Variants in TENM4 observed in about 807,000 individuals in gnomAD.
TENM4 encodes teneurin-4.
In TENM4, 82 loss-of-function variants were observed where a neutral mutation model predicts 243.3. The observed-to-expected ratio is 0.34, with a 90% CI of 0.28 to 0.40. The LOEUF is 0.40. TENM4 is among the 10% of genes least tolerant of loss of function. TENM4 has a pLI of 1.00. For missense variants in TENM4, 3,138 were observed against 3,673.3 expected (o/e 0.85, Z 3.77); for synonymous variants, 1,412 against 1,456.3 (o/e 0.97, Z 0.69).
intron 6 of TENM4, among the ~76,000 whole-genome samples, chr11:78,999,824 G>A (rs1591195266): frequency 6.6e-6 from 1 of 150,722 alleles, no homozygotes; most frequent in South Asian, 2.1e-4. Flanking sequence ...ACCAGAGAAA[G>A]AGAAGAGAGA....
chr11:79,095,300 G>A (rs1019651125), intron 4 of TENM4, among the ~76,000 whole-genome samples: 2 of 152,158 alleles, frequency 1.3e-5, no homozygotes, highest in East Asian at 3.9e-4. Flanking sequence ...AAGCAGCAGG[G>A]CAGGATTTGA....
chr11:78,885,381 T>C (rs778650966), intron 9 of TENM4, among the ~76,000 whole-genome samples: 13 of 152,170 alleles, frequency 8.5e-5, no homozygotes, highest in Admixed American at 3.3e-4. Context: ...ACATATTTTC[T>C]CTCTGAAGAG....
At position 78,669,774 on chromosome 11, in the gene TENM4, G is replaced by C. The variant is rs532627479; in HGVS notation, c.6571C>G (p.Arg2191Gly). The change falls in exon 32 of 34, where the codon CGC (arginine) becomes GGC (glycine). Residue 2191 changes from arginine (R) to glycine (G), a missense_variant. Arg to Gly is a moderately radical substitution (Grantham distance 125, BLOSUM62 -2). Around this residue, in one of 2 missense-constraint regions of TENM4, gnomAD observed 2,467 missense variants for 3,059.1 expected, o/e 0.81. Transcript: ENST00000278550. The surrounding 1 kb of genome is among the most constrained non-coding windows in gnomAD (Gnocchi z 6.4). ...LKVGPYANTT[R>G]YSYEYDADGQ... is the part of the protein sequence containing the mutation. ...TCAGCATCATACTCATAGGAGTAGC[G>C]AGTGGTATTGGCGTAGGGTCCTACC... 1.6e-5 allele frequency: 26 copies of C among 1,613,972 alleles called. No homozygotes were observed. Among genetic ancestry groups the C allele is most frequent in the South Asian group, 8.8e-5 (8 of 91,078 alleles).
chr11:78,970,293 A>G (rs1030831788), intron 6 of TENM4, among the ~76,000 whole-genome samples: 1 of 152,170 alleles, frequency 6.6e-6, no homozygotes, highest in African/African-American at 2.4e-5. Context: ...CAGCTCAGCA[A>G]AGAGAGGCAG....
At chr11:79,204,153 G>A (rs532029188) in intron 3 of TENM4, among the ~76,000 whole-genome samples, 1 of 152,246 alleles carries the variant, frequency 6.6e-6, no homozygotes, top group East Asian at 1.9e-4. Flanking sequence ...TAATGGGTAT[G>A]GGTTCTTTTG....
At chr11:79,371,103 T>G (rs1003054396) in intron 1 of TENM4, among the ~76,000 whole-genome samples, 1 of 152,170 alleles carries the variant, frequency 6.6e-6, no homozygotes, top group African/African-American at 2.4e-5. Context: ...AACAATAAGC[T>G]ATGTGTGCAC....
chr11:78,824,283 T>C (rs924341734), intron 12 of TENM4, among the ~76,000 whole-genome samples: 2 of 152,098 alleles, frequency 1.3e-5, no homozygotes, highest in African/African-American at 4.8e-5. Flanking sequence ...CACTGGAAGC[T>C]TAGAGGCATG....
At chr11:79,423,714 T>C (rs926518929) in intron 1 of TENM4, among the ~76,000 whole-genome samples, 2 of 152,014 alleles carry the variant, frequency 1.3e-5, no homozygotes, top group African/African-American at 4.8e-5. Context: ...CCAAATCTCC[T>C]GTTTCCAGGA....
chr11:79,301,811 T>C (rs1483864160), intron 1 of TENM4, among the ~76,000 whole-genome samples: 2 of 152,182 alleles, frequency 1.3e-5, no homozygotes, highest in Non-Finnish European at 2.9e-5. Flanking sequence ...CTCTTCTTCC[T>C]CCTGCTCCAG....
chr11:78,976,901 C>T (rs972602321), intron 6 of TENM4, among the ~76,000 whole-genome samples: 30 of 152,160 alleles, frequency 2.0e-4, no homozygotes, highest in African/African-American at 2.4e-5. Flanking sequence ...TGTCTGGCAC[C>T]GCACTAAGCA....
chr11:78,933,742 A>G (rs1565132582), intron 6 of TENM4, among the ~76,000 whole-genome samples: 1 of 152,062 alleles, frequency 6.6e-6, no homozygotes, highest in Non-Finnish European at 1.5e-5. Context: ...TGGGGGTCTC[A>G]CTCGGCATCC....
intron 6 of TENM4, among the ~76,000 whole-genome samples, chr11:78,946,952 A>G (rs1025362974): frequency 2.6e-5 from 4 of 152,240 alleles, no homozygotes; most frequent in African/African-American, 9.6e-5. Flanking sequence ...ACTACTCTTG[A>G]TGAAGATGCT....
intron 6 of TENM4, among the ~76,000 whole-genome samples, chr11:78,953,823 T>G (rs183745778): frequency 1.2e-4 from 18 of 152,224 alleles, no homozygotes; most frequent in African/African-American, 4.3e-4. Context: ...CAATCCCCTG[T>G]GGATCAAGAG....
intron 3 of TENM4, among the ~76,000 whole-genome samples, chr11:79,170,874 T>C (rs1863025315): frequency 6.6e-6 from 1 of 152,108 alleles, no homozygotes; most frequent in African/African-American, 2.4e-5. Flanking sequence ...GAGAGGATTG[T>C]ATACATTTCC....
At chr11:79,207,437 A>ACATAAAGTTC (rs1317662149) in intron 3 of TENM4, among the ~76,000 whole-genome samples, 3 of 152,340 alleles carry the variant, frequency 2.0e-5, no homozygotes, top group African/African-American at 7.2e-5. Flanking sequence ...TCAATTATAC[A>ACATAAAGTTC]CATAAAGTTC....
intron 6 of TENM4, among the ~76,000 whole-genome samples, chr11:79,040,392 C>T (rs1332340487): frequency 6.6e-6 from 1 of 151,286 alleles, no homozygotes; most frequent in Non-Finnish European, 1.5e-5. Context: ...CCAGGAGCAG[C>T]CAGCCTCCAG....
chr11:78,866,647 A>AC (rs1858985550), intron 9 of TENM4, among the ~76,000 whole-genome samples: 1 of 151,972 alleles, frequency 6.6e-6, no homozygotes, highest in South Asian at 2.1e-4. Flanking sequence ...TCTCCACTGT[A>AC]CCCCCCTGGC....
chr11:79,359,165 C>A (rs1857549019), intron 1 of TENM4, among the ~76,000 whole-genome samples: 1 of 152,060 alleles, frequency 6.6e-6, no homozygotes, highest in African/African-American at 2.4e-5. Flanking sequence ...ACTTGGGAGG[C>A]TGAGGCAGGA....
chr11:79,409,383 A>G (rs1348953535), intron 1 of TENM4, among the ~76,000 whole-genome samples: 1 of 152,094 alleles, frequency 6.6e-6, no homozygotes, highest in East Asian at 1.9e-4. Context: ...ATACATTTCT[A>G]AGGCTATTCA....
Sources: allele counts gnomAD v4.1 joint callset (sites outside exome capture counted in the v4.1 genomes callset), GRCh38; gene constraint gnomAD v4.1.1; regional missense constraint gnomAD v4.1.1; non-coding constraint Gnocchi (gnomAD v3.1); transcripts MANE v1.5; gene names NCBI Gene and HGNC (gene_info 2026-07-23, HGNC 2026-07-21).